MYT1L: variants seen among roughly 807,000 people sequenced by gnomAD.
MYT1L encodes myelin transcription factor 1-like protein.
Under a neutral mutation model 126.7 loss-of-function variants are expected in MYT1L, and 12 were observed. The ratio of observed to expected loss-of-function variants is 0.09; its 90% CI spans 0.06 to 0.15. The LOEUF is 0.15. Among genes scored for constraint, MYT1L ranks in the 10% least tolerant of loss-of-function variants. The probability of loss-of-function intolerance (pLI) is 1.00; values close to 1 mark genes in which losing one functional copy is unlikely to be tolerated. For synonymous variants in MYT1L, 541 were observed against 604.2 expected (o/e 0.90, Z 1.53); for missense variants, 979 against 1,585.2 (o/e 0.62, Z 6.49).
At chr2:1,955,132 G>T (rs2058227783) in intron 8 of MYT1L, among the ~76,000 whole-genome samples, 1 of 133,914 alleles carries the variant, frequency 7.5e-6, no homozygotes, top group Admixed American at 7.4e-5. Flanking sequence ...AACAGACAGA[G>T]AGTCCATCTC....
chr2:2,272,683 G>A (rs1169117165), intron 2 of MYT1L, among the ~76,000 whole-genome samples: 2 of 152,182 alleles, frequency 1.3e-5, no homozygotes, highest in Admixed American at 6.5e-5. Context: ...TCCATTAGAT[G>A]AAAAGCAGGC....
chr2:2,119,701 C>T (rs775983414), intron 3 of MYT1L, among the ~76,000 whole-genome samples: 95 of 152,168 alleles, frequency 6.2e-4, no homozygotes, highest in Middle Eastern at 3.4e-3. Flanking sequence ...CATCATGATT[C>T]GCATTAATAC....
At chr2:2,183,694 G>C (rs79384150) in intron 2 of MYT1L, among the ~76,000 whole-genome samples, 200 of 151,198 alleles carry the variant, frequency 1.3e-3, no homozygotes, top group Non-Finnish European at 2.5e-3. Context: ...GTAGTTTCTT[G>C]CAAACTATAT....
chr2:2,260,711 G>T (rs1372222796), intron 2 of MYT1L, among the ~76,000 whole-genome samples: 2 of 151,688 alleles, frequency 1.3e-5, no homozygotes, highest in African/African-American at 4.8e-5. Flanking sequence ...TTTCCTAAAA[G>T]AATTTTCCCT....
intron 3 of MYT1L, among the ~76,000 whole-genome samples, chr2:2,124,083 A>T (rs1398298909): frequency 6.6e-6 from 1 of 152,146 alleles, no homozygotes; most frequent in Non-Finnish European, 1.5e-5. Context: ...AGGCAACAAT[A>T]CAGAGACTTT....
At chr2:2,262,939 G>GACATATATATATAT (rs1466512652) in intron 2 of MYT1L, among the ~76,000 whole-genome samples, 1 of 51,964 alleles carries the variant, frequency 1.9e-5, no homozygotes, top group African/African-American at 8.5e-5. Flanking sequence ...TATAACCTGT[G>GACATATATATATAT]ATATATATAT....
intron 2 of MYT1L, among the ~76,000 whole-genome samples, chr2:2,242,261 G>A (rs1385504861): frequency 1.3e-5 from 2 of 152,130 alleles, no homozygotes; most frequent in African/African-American, 2.4e-5. Context: ...CTCTGCAAAG[G>A]AGCGCAGGCC....
chr2:2,151,652 T>C (rs2085806748), intron 3 of MYT1L, among the ~76,000 whole-genome samples: 1 of 152,232 alleles, frequency 6.6e-6, no homozygotes, highest in African/African-American at 2.4e-5. Context: ...CCACACCATG[T>C]CTATGCTGTT....
chr2:2,257,623 T>G (rs541875088), intron 2 of MYT1L, among the ~76,000 whole-genome samples: 24 of 152,332 alleles, frequency 1.6e-4, no homozygotes, highest in African/African-American at 5.0e-4. Context: ...TTCTCATCAC[T>G]AACTTTTTAA....
At chr2:1,891,569 G>A (rs2048881256) in intron 15 of MYT1L, among the ~76,000 whole-genome samples, 1 of 152,218 alleles carries the variant, frequency 6.6e-6, no homozygotes, top group Non-Finnish European at 1.5e-5. Context: ...ATCCCTTGGT[G>A]TGAAGTCTGA....
intron 2 of MYT1L, among the ~76,000 whole-genome samples, chr2:2,237,225 CTCCCT>C (rs2094342842): frequency 6.6e-6 from 1 of 152,156 alleles, no homozygotes; most frequent in African/African-American, 2.4e-5. Context: ...CCCTTCCTAG[CTCCCT>C]TCCCTTCCCA....
chr2:2,054,574 C>G (rs541893706), intron 3 of MYT1L, among the ~76,000 whole-genome samples: 4 of 150,456 alleles, frequency 2.7e-5, no homozygotes, highest in African/African-American at 9.8e-5. Context: ...ATGAAACACA[C>G]GGAGATGAGA....
At chr2:2,313,101 G>C (rs936614987) in intron 1 of MYT1L, among the ~76,000 whole-genome samples, 1 of 152,122 alleles carries the variant, frequency 6.6e-6, no homozygotes, top group African/African-American at 2.4e-5. Context: ...GAATATATAT[G>C]ACTGAAGGAT....
chr2:1,826,973 T>C (rs2039447866), intron 21 of MYT1L: 1 of 152,144 alleles, frequency 6.6e-6, no homozygotes, highest in South Asian at 2.1e-4. Flanking sequence ...AGGAGGCGCA[T>C]CCTGGCGAGG....
At position 2,240,901 on chromosome 2, in the gene MYT1L, G is replaced by T. The variant is rs184112231; in HGVS notation, c.-421+43503C>A. On this transcript the variant is annotated intron_variant, in intron 2 of 24. Coordinates refer to ENST00000647738, the MANE Select transcript of MYT1L (RefSeq NM_001303052.2). Reference sequence around the variant, plus strand: ...ATATATGTAGGTCAAAAGTCATGTTGTTCAGAACCACAATCAGAATAATGC... The same window carrying T: ...ATATATGTAGGTCAAAAGTCATGTTTTTCAGAACCACAATCAGAATAATGC... Among the ~76,000 whole-genome samples the T allele has an allele frequency of 6.6e-5, 10 of 152,270 alleles. No homozygotes were observed. In the East Asian group the frequency reaches 7.7e-4, roughly 12 times the overall value.
At chr2:1,856,461 G>A (rs1185491486) in intron 18 of MYT1L, among the ~76,000 whole-genome samples, 1 of 152,122 alleles carries the variant, frequency 6.6e-6, no homozygotes, top group African/African-American at 2.4e-5. Context: ...TGCACATCAC[G>A]CAGCTGGGAC....
intron 2 of MYT1L, among the ~76,000 whole-genome samples, chr2:2,246,761 A>T (rs1036966142): frequency 5.9e-5 from 9 of 152,236 alleles, no homozygotes; most frequent in Non-Finnish European, 1.2e-4. Context: ...ACATCTGAAG[A>T]TGAGTGCTAA....
chr2:1,952,529 T>C, intron 8 of MYT1L, among the ~76,000 whole-genome samples: 1 of 151,960 alleles, frequency 6.6e-6, no homozygotes, highest in East Asian at 2.0e-4. Flanking sequence ...ACAGCTGGGA[T>C]TGTTTCTTAT....
chr2:2,222,997 A>G (rs2093918776), intron 2 of MYT1L, among the ~76,000 whole-genome samples: 1 of 152,234 alleles, frequency 6.6e-6, no homozygotes, highest in African/African-American at 2.4e-5. Context: ...ATGATGCCAC[A>G]AATACATATA....
Sources: allele counts gnomAD v4.1 joint callset (sites outside exome capture counted in the v4.1 genomes callset), GRCh38; gene constraint gnomAD v4.1.1; transcripts MANE v1.5; gene names NCBI Gene and HGNC (gene_info 2026-07-23, HGNC 2026-07-21).